MTAP: variants seen among roughly 807,000 people sequenced by gnomAD.
MTAP encodes methylthioadenosine phosphorylase.
In MTAP, 33 loss-of-function variants were observed where a neutral mutation model predicts 33.6. The ratio of observed to expected loss-of-function variants is 0.98; its 90% confidence interval spans 0.74 to 1.31. The LOEUF (loss-of-function observed/expected upper bound fraction) is 1.31. MTAP is among the 40% of genes most tolerant of loss of function. The pLI, the probability that MTAP is intolerant of heterozygous loss-of-function variation, is 0.00. For missense variants in MTAP, 367 were observed against 360.0 expected (o/e 1.02, Z -0.16); for synonymous variants, 148 against 125.7 (o/e 1.18, Z -1.19).
At chr9:21,804,123 T>C (rs1237400307) in intron 1 of MTAP, among the ~76,000 whole-genome samples, 1 of 152,218 alleles carries the variant, frequency 6.6e-6, no homozygotes, top group Non-Finnish European at 1.5e-5. Flanking sequence ...AGAATTTTAC[T>C]GCAGAATTTG....
intron 4 of MTAP, among the ~76,000 whole-genome samples, chr9:21,819,985 G>A (rs1247582285): frequency 1.3e-5 from 2 of 152,182 alleles, no homozygotes; most frequent in East Asian, 3.9e-4. Flanking sequence ...TTTTGATGGG[G>A]TTGTTTGATT....
At chr9:21,927,879 T>C (rs1818894975) in intron 1 of MTAP, among the ~76,000 whole-genome samples, 1 of 152,208 alleles carries the variant, frequency 6.6e-6, no homozygotes, top group Admixed American at 6.5e-5. Context: ...AATACTCCTA[T>C]TACATAGAGA....
chr9:21,887,617 G>T (rs1229367773), intron 1 of MTAP, among the ~76,000 whole-genome samples: 1 of 152,152 alleles, frequency 6.6e-6, no homozygotes, highest in Non-Finnish European at 1.5e-5. Flanking sequence ...AATCCTTTGG[G>T]TATATACCCA....
intron 1 of MTAP, among the ~76,000 whole-genome samples, chr9:21,926,978 A>T (rs1818880143): frequency 6.6e-6 from 1 of 152,160 alleles, no homozygotes; most frequent in South Asian, 2.1e-4. Context: ...CCAGACTTTC[A>T]ATACTGGCAT....
chr9:21,865,330 T>A lies in MTAP; in HGVS notation c.*3316T>A, dbSNP rs1825836153. ...TTTCCCCTTCTGCCACGATTGTAAG[T>A]TTCCTGAGGCCTTCCCAGCTATGTG... On this transcript the variant is annotated 3_prime_UTR_variant, in exon 8 of 8. Coordinates refer to ENST00000644715, the MANE Select transcript of MTAP (RefSeq NM_002451.4). 1.5e-6 allele frequency: 1 copy of A among 656,630 alleles called. No homozygotes were observed. Among genetic ancestry groups the A allele is most frequent in the East Asian group, 1.4e-4 (1 of 7,278 alleles). The allele number at this position is 656,630 out of a possible 1,614,324, so 40.7% of individuals were successfully genotyped here.
chr9:21,887,929 T>G (rs1818140337), intron 1 of MTAP, among the ~76,000 whole-genome samples: 1 of 152,182 alleles, frequency 6.6e-6, no homozygotes, highest in African/African-American at 2.4e-5. Flanking sequence ...GATTCTCAGT[T>G]TGGTCACTGT....
intron 2 of MTAP, among the ~76,000 whole-genome samples, chr9:21,815,802 C>T (rs531856350): frequency 6.6e-6 from 1 of 152,164 alleles, no homozygotes; most frequent in Non-Finnish European, 1.5e-5. Context: ...AGACCACAGA[C>T]TCATTTCAGA....
intron 4 of MTAP, among the ~76,000 whole-genome samples, chr9:21,837,367 C>G (rs370904531): frequency 4.6e-5 from 7 of 152,114 alleles, no homozygotes; most frequent in East Asian, 3.9e-4. Flanking sequence ...TTGTTTGGAC[C>G]CTGAAACTAA....
intron 1 of MTAP, among the ~76,000 whole-genome samples, chr9:21,903,117 G>A (rs985157302): frequency 5.9e-5 from 9 of 152,116 alleles, no homozygotes; most frequent in East Asian, 1.9e-4. Flanking sequence ...GAGGATTTCC[G>A]GCTGCTTTCT....
At chr9:21,906,761 A>G (rs900395134) in intron 1 of MTAP, among the ~76,000 whole-genome samples, 1 of 152,248 alleles carries the variant, frequency 6.6e-6, no homozygotes, top group Non-Finnish European at 1.5e-5. Flanking sequence ...ATAAAAGAAC[A>G]TTTATTGGTA....
downstream of MTAP, among the ~76,000 whole-genome samples, chr9:21,871,676 C>T (rs1332091607): frequency 3.9e-5 from 6 of 152,150 alleles, no homozygotes; most frequent in Middle Eastern, 3.4e-3. Flanking sequence ...TTTAGCCATC[C>T]TTCGGTTTCC....
intron 1 of MTAP, chr9:21,893,677 C>A (rs1394819993): frequency 6.6e-6 from 1 of 152,006 alleles, no homozygotes; most frequent in East Asian, 1.9e-4. Flanking sequence ...GGGAAACGTA[C>A]AACCTCTCAA....
At chr9:21,823,421 A>T (rs1211150354) in intron 4 of MTAP, among the ~76,000 whole-genome samples, 2 of 152,132 alleles carry the variant, frequency 1.3e-5, no homozygotes, top group African/African-American at 2.4e-5. Flanking sequence ...TCTTTTCTTT[A>T]AGAATGTTGA....
At chr9:21,898,865 C>A (rs1032827348) in intron 1 of MTAP, among the ~76,000 whole-genome samples, 1 of 152,092 alleles carries the variant, frequency 6.6e-6, no homozygotes. Context: ...CCATCTGACC[C>A]AGCCATCCCA....
intron 1 of MTAP, among the ~76,000 whole-genome samples, chr9:21,920,799 G>T (rs1274435715): frequency 6.6e-6 from 1 of 152,140 alleles, no homozygotes; most frequent in Non-Finnish European, 1.5e-5. Context: ...TTTTTAATGT[G>T]TTGTTGAATT....
At chr9:21,807,882 C>G (rs1824247441) in intron 1 of MTAP, among the ~76,000 whole-genome samples, 1 of 152,182 alleles carries the variant, frequency 6.6e-6, no homozygotes, top group Admixed American at 6.5e-5. Context: ...TAGTAAAAAT[C>G]TTACCCTATA....
intron 3 of MTAP, among the ~76,000 whole-genome samples, chr9:21,817,688 A>G (rs1386454725): frequency 1.3e-5 from 2 of 151,978 alleles, no homozygotes; most frequent in African/African-American, 2.4e-5. Flanking sequence ...TCTCCTATGC[A>G]TGCTTGCAAG....
At chr9:21,815,320 C>A in intron 1 of MTAP, 113 bp from the exon 2 acceptor site, 1 of 643,080 alleles carries the variant, frequency 1.6e-6, no homozygotes, top group Non-Finnish European at 2.6e-6. Context: ...AAAAAAATAA[C>A]TAGGGCTTGG....
At chr9:21,885,485 C>A (rs780552619) in intron 1 of MTAP, among the ~76,000 whole-genome samples, 1 of 151,838 alleles carries the variant, frequency 6.6e-6, no homozygotes, top group East Asian at 1.9e-4. Flanking sequence ...TGAGGATGGT[C>A]TTTAGTGTTG....
Sources: gnomAD v4.1 joint callset for allele counts (sites outside exome capture counted in the v4.1 genomes callset) on GRCh38, gnomAD v4.1.1 for gene constraint, MANE v1.5 for transcripts, NCBI Gene and HGNC (gene_info 2026-07-23, HGNC 2026-07-21) for gene names.